The following FREM2 variants were observed in gnomAD, a reference collection of about 807,000 sequenced individuals.
The protein encoded by FREM2 is FRAS1-related extracellular matrix protein 2.
FREM2 carries 119 observed loss-of-function variants against 219.9 expected under a neutral mutation model. That is an observed-to-expected ratio of 0.54 (90% CI 0.47 to 0.63). The LOEUF is 0.63. FREM2 is among the 30% of genes least tolerant of loss of function. The probability of loss-of-function intolerance (pLI) is 0.00; values close to 1 mark genes in which losing one functional copy is unlikely to be tolerated. For synonymous variants in FREM2, 1,562 were observed against 1,522.8 expected (o/e 1.03, Z -0.60); for missense variants, 4,030 against 3,993.6 (o/e 1.01, Z -0.25).
intron 17 of FREM2, among the ~76,000 whole-genome samples, chr13:38,873,219 AAC>A (rs2137934567): frequency 6.6e-6 from 1 of 152,304 alleles, no homozygotes; most frequent in Non-Finnish European, 1.5e-5. Flanking sequence ...TGTGTTACAT[AAC>A]ACAACATATA....
At chr13:38,756,696 T>TTG (rs572009633) in intron 2 of FREM2, among the ~76,000 whole-genome samples, 26 of 151,126 alleles carry the variant, frequency 1.7e-4, no homozygotes, top group Non-Finnish European at 2.7e-4. Flanking sequence ...CCTGGCTAAT[T>TTG]TGTGTGTGTG....
At chr13:38,697,838 G>T (rs1334310662) in intron 2 of FREM2, 51 bp downstream of exon 2, 3 of 1,016,544 alleles carry the variant, frequency 3.0e-6, no homozygotes, top group East Asian at 2.4e-5. Flanking sequence ...CGCTTTTCTT[G>T]GTTGCTCTCT....
At chr13:38,853,332 A>C (rs1043950722) in intron 11 of FREM2, among the ~76,000 whole-genome samples, 6 of 152,030 alleles carry the variant, frequency 3.9e-5, no homozygotes, top group East Asian at 3.9e-4. Flanking sequence ...AAAAAAAAAA[A>C]AAAACAAATC....
At chr13:38,703,953 TTTG>T (rs1353705380) in intron 2 of FREM2, among the ~76,000 whole-genome samples, 1 of 152,194 alleles carries the variant, frequency 6.6e-6, no homozygotes. Flanking sequence ...CAAATATTTA[TTTG>T]TGGCATATGT....
At chr13:38,821,675 G>C (rs1310643014) in intron 6 of FREM2, 1 of 152,066 alleles carries the variant, frequency 6.6e-6, no homozygotes, top group Non-Finnish European at 1.5e-5. Flanking sequence ...TCCAGATGCT[G>C]TGCGAGGGTA....
Position 38,690,570 on chromosome 13 carries a change from A to T in FREM2, c.3226A>T (p.Ile1076Leu), listed in dbSNP as rs974301203. The stretch of plus-strand genomic sequence containing the variant: ...AGAAATCTTTGTAGGTGAACAGTTG[A>T]TAGTAATGGAAGGTGATAAAAGTGT... Reference protein sequence around the residue: ...APEIFVGEQLIVMEGDKSVIT... With the variant: ...APEIFVGEQLLVMEGDKSVIT... The change falls in exon 1 of 24, where the codon ATA becomes TTA. Residue 1076 changes from isoleucine (I) to leucine (L), a missense_variant. Ile to Leu is a conservative substitution (Grantham distance 5). Transcript: ENST00000280481. The T allele has an allele frequency of 3.1e-6, 5 of 1,614,148 alleles. No homozygotes were observed. The highest frequency in any genetic ancestry group is 2.5e-6 in the Non-Finnish European group (3 of 1,180,018).
chr13:38,720,308 C>T (rs1427585640), intron 2 of FREM2, among the ~76,000 whole-genome samples: 1 of 152,172 alleles, frequency 6.6e-6, no homozygotes, highest in Non-Finnish European at 1.5e-5. Flanking sequence ...ACTGTCTCAA[C>T]TAGAATGGGA....
chr13:38,864,171 G>A (rs1877864053), intron 15 of FREM2, 104 bp from the exon 16 acceptor site: 2 of 880,796 alleles, frequency 2.3e-6, no homozygotes, highest in South Asian at 2.8e-5. Context: ...ACTGCTGTAT[G>A]GCATTTTATG....
At chr13:38,743,614 A>G (rs1872337599) in intron 2 of FREM2, among the ~76,000 whole-genome samples, 2 of 152,324 alleles carry the variant, frequency 1.3e-5, no homozygotes, top group South Asian at 2.1e-4. Context: ...GTACTTCTCA[A>G]TAAGCCCAGA....
intron 2 of FREM2, among the ~76,000 whole-genome samples, chr13:38,727,284 A>C (rs1871566511): frequency 6.6e-6 from 1 of 152,208 alleles, no homozygotes. Flanking sequence ...AAATGCTATA[A>C]AAATACAGAT....
chr13:38,709,294 A>G (rs1870665974), intron 2 of FREM2, among the ~76,000 whole-genome samples: 1 of 152,186 alleles, frequency 6.6e-6, no homozygotes, highest in Non-Finnish European at 1.5e-5. Flanking sequence ...AGGGTCAGAC[A>G]TCTCCGCTGT....
chr13:38,816,039 T>C (rs1027818343), intron 6 of FREM2, among the ~76,000 whole-genome samples: 24 of 152,024 alleles, frequency 1.6e-4, no homozygotes, highest in Non-Finnish European at 3.2e-4. Flanking sequence ...CATGAAGAAA[T>C]AGAAAATCTG....
intron 2 of FREM2, among the ~76,000 whole-genome samples, chr13:38,711,259 T>C (rs938422450): frequency 6.6e-6 from 1 of 152,210 alleles, no homozygotes; most frequent in African/African-American, 2.4e-5. Flanking sequence ...CCAGTATGTA[T>C]GTGGTAAAAG....
chr13:38,853,273 C>T (rs192533221), intron 11 of FREM2, among the ~76,000 whole-genome samples: 7 of 149,116 alleles, frequency 4.7e-5, no homozygotes, highest in Non-Finnish European at 8.9e-5. Context: ...GGCCGAGATC[C>T]GCCATTACAC....
intron 6 of FREM2, among the ~76,000 whole-genome samples, chr13:38,834,930 T>C (rs1394312822): frequency 1.3e-5 from 2 of 152,246 alleles, no homozygotes; most frequent in African/African-American, 4.8e-5. Context: ...TTTCTTTTGC[T>C]GTGCAGAAGC....
At chr13:38,721,357 G>C (rs1307362366) in intron 2 of FREM2, among the ~76,000 whole-genome samples, 3 of 152,102 alleles carry the variant, frequency 2.0e-5, no homozygotes, top group Non-Finnish European at 4.4e-5. Flanking sequence ...GGTCAGAGAT[G>C]GAGAGAAAGC....
Position 38,864,613 on chromosome 13 carries a change from A to T in FREM2, c.7983+7A>T, listed in dbSNP as rs376116199. ...CATTGGAACAGATGGACAGGTACAG[A>T]TTTATAACATCTGAGTTTGGTCACT... On this transcript the variant is annotated splice_region_variant and intron_variant, in intron 16 of 23. Transcript: ENST00000280481. 365 of 1,611,826 alleles carry T rather than the reference A, an allele frequency of 2.3e-4. 1 individual carries two copies. Among genetic ancestry groups the T allele is most frequent in the Non-Finnish European group, 2.9e-4 (346 of 1,177,878 alleles).
At chr13:38,862,063 A>C (rs1274476358) in intron 15 of FREM2, among the ~76,000 whole-genome samples, 1 of 152,238 alleles carries the variant, frequency 6.6e-6, no homozygotes, top group Non-Finnish European at 1.5e-5. Flanking sequence ...CCATGACCAG[A>C]ATGTGTGCAT....
At chr13:38,867,545 G>A (rs1878016133) in intron 16 of FREM2, among the ~76,000 whole-genome samples, 1 of 152,254 alleles carries the variant, frequency 6.6e-6, no homozygotes, top group African/African-American at 2.4e-5. Context: ...AGAATAGATA[G>A]ATGAGAAGGG....
Sources: gnomAD v4.1 joint callset for allele counts (sites outside exome capture counted in the v4.1 genomes callset) on GRCh38, gnomAD v4.1.1 for gene constraint, MANE v1.5 for transcripts, NCBI Gene and HGNC (gene_info 2026-07-23, HGNC 2026-07-21) for gene names.